NALF1: variants seen among roughly 807,000 people sequenced by gnomAD.
NALF1 encodes the protein NALCN channel auxiliary factor 1.
In NALF1, 3 loss-of-function variants were observed where a neutral mutation model predicts 48.4. The ratio of observed to expected loss-of-function variants is 0.06; its 90% CI spans 0.03 to 0.16. The LOEUF (loss-of-function observed/expected upper bound fraction) is 0.16. Ranked by LOEUF, NALF1 falls within the 10% of genes least tolerant of loss-of-function variation. The pLI is 1.00. For missense variants in NALF1, 526 were observed against 571.5 expected, an observed-to-expected ratio of 0.92 and a Z score of 0.81; for synonymous variants, 262 against 245.7, an observed-to-expected ratio of 1.07 and a Z score of -0.62.
chr13:107,384,952 G>A (rs1883503003), intron 1 of NALF1, among the ~76,000 whole-genome samples: 1 of 152,198 alleles, frequency 6.6e-6, no homozygotes, highest in African/African-American at 2.4e-5. Flanking sequence ...GGGACTTCAA[G>A]CAAGCACATT....
intron 1 of NALF1, among the ~76,000 whole-genome samples, chr13:107,271,222 T>G (rs2138863297): frequency 6.6e-6 from 1 of 152,270 alleles, no homozygotes; most frequent in African/African-American, 2.4e-5. Context: ...TTACTAATCA[T>G]TTGACCTTAA....
At chr13:107,335,822 C>T (rs9555346) in intron 1 of NALF1, among the ~76,000 whole-genome samples, 13,971 of 152,208 alleles carry the variant, frequency 0.092, 827 homozygotes, top group East Asian at 0.18. Context: ...TATCCTTTAC[C>T]GTAAGTGGGA....
intron 1 of NALF1, among the ~76,000 whole-genome samples, chr13:107,658,189 G>A (rs1338281143): frequency 6.6e-6 from 1 of 152,020 alleles, no homozygotes; most frequent in African/African-American, 2.4e-5. Context: ...GTTGAGATTG[G>A]TGAGCCTCCT....
chr13:107,731,922 A>T (rs1385945308), intron 1 of NALF1, among the ~76,000 whole-genome samples: 1 of 152,208 alleles, frequency 6.6e-6, no homozygotes, highest in African/African-American at 2.4e-5. Flanking sequence ...TTTGTCCTAC[A>T]GAATTCTCCA....
chr13:107,849,570 G>GGGCTTGGGCTAGT (rs1880259865), intron 1 of NALF1, among the ~76,000 whole-genome samples: 1 of 152,018 alleles, frequency 6.6e-6, no homozygotes, highest in African/African-American at 2.4e-5. Flanking sequence ...GCAGTGTGCT[G>GGGCTTGGGCTAGT]GCCTTGGGCT....
At chr13:107,493,561 G>A (rs1287870101) in intron 1 of NALF1, among the ~76,000 whole-genome samples, 1 of 152,208 alleles carries the variant, frequency 6.6e-6, no homozygotes, top group South Asian at 2.1e-4. Context: ...TTCTGAGGGG[G>A]TTGGAACAAA....
chr13:107,414,308 T>G (rs9520431), intron 1 of NALF1, among the ~76,000 whole-genome samples: 32,776 of 151,268 alleles, frequency 0.22, 4,028 homozygotes, highest in Middle Eastern at 0.28. Flanking sequence ...TAGTTTTCTT[T>G]CTTTTCTTCT....
intron 1 of NALF1, among the ~76,000 whole-genome samples, chr13:107,281,188 C>G (rs1301629727): frequency 2.6e-5 from 4 of 152,122 alleles, no homozygotes; most frequent in Non-Finnish European, 4.4e-5. Context: ...TAGACAAAAA[C>G]CATGCTCTTA....
At chr13:107,666,840 T>C (rs1880871863) in intron 1 of NALF1, among the ~76,000 whole-genome samples, 1 of 152,118 alleles carries the variant, frequency 6.6e-6, no homozygotes, top group South Asian at 2.1e-4. Context: ...AATTTGGTAT[T>C]AGTTCGTGCT....
In NALF1 at chr13:107,586,391, C is replaced by T. The variant is rs185089041; in HGVS notation, c.915+279291G>A. On this transcript the variant is annotated intron_variant, in intron 1 of 2. Transcript: ENST00000375915. ...TGCAGCTTGAAGACATATGAGTCTA[C>T]AGTTTGCATGTGACGGCCCTGTGAT... Among the ~76,000 whole-genome samples, 1,009 of 152,212 alleles carry T rather than the reference C, an allele frequency of 6.6e-3. 7 individuals are homozygous for T. Among genetic ancestry groups the T allele is most frequent in the Non-Finnish European group, 0.011 (746 of 67,996 alleles).
intron 1 of NALF1, among the ~76,000 whole-genome samples, chr13:107,317,405 A>T (rs1882171531): frequency 6.6e-6 from 1 of 152,090 alleles, no homozygotes; most frequent in Non-Finnish European, 1.5e-5. Flanking sequence ...ATTGACTTTT[A>T]TCCATTTTGT....
intron 1 of NALF1, among the ~76,000 whole-genome samples, chr13:107,365,540 G>A (rs762476196): frequency 1.3e-5 from 2 of 152,180 alleles, no homozygotes; most frequent in Non-Finnish European, 2.9e-5. Flanking sequence ...AACAACACAT[G>A]TATGGATATC....
intron 1 of NALF1, among the ~76,000 whole-genome samples, chr13:107,778,431 GAATTCT>G (rs1877797635): frequency 6.6e-6 from 1 of 152,150 alleles, no homozygotes; most frequent in South Asian, 2.1e-4. Context: ...AACTTGAACT[GAATTCT>G]TAAAGGGGGT....
At chr13:107,730,250 T>C (rs995854666) in intron 1 of NALF1, among the ~76,000 whole-genome samples, 3 of 152,232 alleles carry the variant, frequency 2.0e-5, no homozygotes, top group Non-Finnish European at 4.4e-5. Context: ...ATTGAAAATA[T>C]TGCAGATACA....
chr13:107,541,009 G>A (rs918541936), intron 1 of NALF1, among the ~76,000 whole-genome samples: 1 of 151,978 alleles, frequency 6.6e-6, no homozygotes, highest in Non-Finnish European at 1.5e-5. Context: ...AATTAGACTT[G>A]TTATTAACAA....
At chr13:107,482,268 C>T (rs1885265540) in intron 1 of NALF1, among the ~76,000 whole-genome samples, 1 of 152,094 alleles carries the variant, frequency 6.6e-6, no homozygotes, top group Non-Finnish European at 1.5e-5. Context: ...GCCGTGGCCT[C>T]CCCTGCAGAT....
At chr13:107,572,436 C>G (rs1261402618) in intron 1 of NALF1, among the ~76,000 whole-genome samples, 3 of 152,170 alleles carry the variant, frequency 2.0e-5, no homozygotes, top group Non-Finnish European at 4.4e-5. Flanking sequence ...GGTCACTTGG[C>G]TCTCTTGATG....
chr13:107,501,447 C>A (rs1875521308), intron 1 of NALF1, among the ~76,000 whole-genome samples: 1 of 152,088 alleles, frequency 6.6e-6, no homozygotes. Context: ...AAGATGTCTG[C>A]TAAGAACTAA....
chr13:107,706,517 C>G (rs1366903729), intron 1 of NALF1, among the ~76,000 whole-genome samples: 1 of 152,068 alleles, frequency 6.6e-6, no homozygotes, highest in Non-Finnish European at 1.5e-5. Context: ...GTCTAATCTG[C>G]CTGTTCTTCA....
Sources: gnomAD v4.1 joint callset for allele counts (sites outside exome capture counted in the v4.1 genomes callset) on GRCh38, gnomAD v4.1.1 for gene constraint, MANE v1.5 for transcripts, NCBI Gene and HGNC (gene_info 2026-07-23, HGNC 2026-07-21) for gene names.